B3GALT1: variants seen among roughly 807,000 people sequenced by gnomAD.
B3GALT1 encodes the protein UDP-Gal:betaGlcNAc beta 1,3-galactosyltransferase, polypeptide 1.
B3GALT1 carries 10 observed loss-of-function variants against 23.2 expected under a neutral mutation model. The ratio of observed to expected loss-of-function variants is 0.43; its 90% CI spans 0.27 to 0.73. The LOEUF is 0.73. B3GALT1 is among the 30% of genes least tolerant of loss of function. B3GALT1 has a pLI of 0.21. For missense variants in B3GALT1, 299 were observed against 405.4 expected, an observed-to-expected ratio of 0.74 and a Z score of 2.25; for synonymous variants, 156 against 141.5, an observed-to-expected ratio of 1.10 and a Z score of -0.73.
chr2:167,408,957 T>A (rs1483156198), intron 1 of B3GALT1, among the ~76,000 whole-genome samples: 1 of 152,186 alleles, frequency 6.6e-6, no homozygotes, highest in Non-Finnish European at 1.5e-5. Context: ...CAAAGCAATT[T>A]ACAGATTCAG....
intron 2 of B3GALT1, among the ~76,000 whole-genome samples, chr2:167,538,499 A>G (rs777017682): frequency 1.3e-5 from 2 of 152,194 alleles, no homozygotes; most frequent in Admixed American, 1.3e-4. Context: ...TGTGATTTCA[A>G]TCTCTGTAAG....
At chr2:167,443,238 C>G (rs112556496) in intron 1 of B3GALT1, among the ~76,000 whole-genome samples, 1 of 152,010 alleles carries the variant, frequency 6.6e-6, no homozygotes, top group Non-Finnish European at 1.5e-5. Flanking sequence ...ATCTATATCT[C>G]TGTTTTGGTA....
intron 1 of B3GALT1, among the ~76,000 whole-genome samples, chr2:167,453,495 A>G (rs2105321307): frequency 6.6e-6 from 1 of 152,332 alleles, no homozygotes; most frequent in East Asian, 1.9e-4. Flanking sequence ...GGTTAATGCA[A>G]GAGCTCTAAT....
chr2:167,596,665 G>A (rs1684778971), intron 2 of B3GALT1, among the ~76,000 whole-genome samples: 1 of 150,364 alleles, frequency 6.7e-6, no homozygotes, highest in Admixed American at 6.6e-5. Context: ...TATAAAAATA[G>A]AGGATTTTTT....
chr2:167,506,121 G>A (rs1699913851), intron 2 of B3GALT1, among the ~76,000 whole-genome samples: 1 of 152,064 alleles, frequency 6.6e-6, no homozygotes, highest in Non-Finnish European at 1.5e-5. Context: ...ACTCTATGAT[G>A]TCTTTCCTTA....
At chr2:167,539,864 TTTAA>T (rs1683506823) in intron 2 of B3GALT1, among the ~76,000 whole-genome samples, 1 of 152,102 alleles carries the variant, frequency 6.6e-6, no homozygotes, top group African/African-American at 2.4e-5. Flanking sequence ...CTTGTAAGCT[TTTAA>T]TTATTTTCTG....
intron 3 of B3GALT1, among the ~76,000 whole-genome samples, chr2:167,764,166 C>G (rs1687939137): frequency 6.6e-6 from 1 of 152,192 alleles, no homozygotes; most frequent in African/African-American, 2.4e-5. Context: ...CTACATTAAG[C>G]ATCAAGTGCC....
At chr2:167,386,584 A>G (rs1697932375) in intron 1 of B3GALT1, among the ~76,000 whole-genome samples, 1 of 152,128 alleles carries the variant, frequency 6.6e-6, no homozygotes, top group Non-Finnish European at 1.5e-5. Flanking sequence ...TAATGATGAC[A>G]TACTATACTG....
chr2:167,320,253 G>C (rs1696789232), intron 1 of B3GALT1, among the ~76,000 whole-genome samples: 1 of 149,284 alleles, frequency 6.7e-6, no homozygotes, highest in South Asian at 2.1e-4. Flanking sequence ...GCAGTGACAT[G>C]ATCTTGGCTC....
At position 167,747,772 on chromosome 2, in the gene B3GALT1, A is replaced by G. The variant is rs550240427; in HGVS notation, c.-351-70900A>G. Among the ~76,000 whole-genome samples the G allele has an allele frequency of 1.3e-4, 20 of 152,362 alleles. No homozygotes were observed. In the South Asian group the frequency reaches 3.9e-3, roughly 30 times the overall value. ...AGAATGGGAAGTACCTACAGAAATT[A>G]ACTTGTAGATGATCAAAAGTATGAA... On this transcript the variant is annotated intron_variant, in intron 3 of 4. Coordinates refer to ENST00000392690, the MANE Select transcript of B3GALT1 (RefSeq NM_020981.4).
chr2:167,631,769 C>CTTTT (rs558837779), intron 2 of B3GALT1, among the ~76,000 whole-genome samples: 14 of 120,570 alleles, frequency 1.2e-4, no homozygotes, highest in African/African-American at 4.1e-4. Flanking sequence ...CTTTTCTTTT[C>CTTTT]TTTTTTTTTT....
At chr2:167,509,830 G>T (rs1699976002) in intron 2 of B3GALT1, among the ~76,000 whole-genome samples, 1 of 152,126 alleles carries the variant, frequency 6.6e-6, no homozygotes. Context: ...GAAGCATTTG[G>T]AAGGTTTAGA....
intron 1 of B3GALT1, among the ~76,000 whole-genome samples, chr2:167,406,454 A>G (rs1280864823): frequency 6.6e-6 from 1 of 152,086 alleles, no homozygotes; most frequent in Non-Finnish European, 1.5e-5. Context: ...GCAGATAGTA[A>G]AAGAATCCAG....
At chr2:167,835,543 G>T (rs187939029) in intron 4 of B3GALT1, among the ~76,000 whole-genome samples, 1,643 of 152,338 alleles carry the variant, frequency 0.011, 17 homozygotes, top group Middle Eastern at 0.031. Flanking sequence ...CTCCAACTGG[G>T]TGGAGCCCAC....
At chr2:167,827,023 C>T (rs1297779176) in intron 4 of B3GALT1, among the ~76,000 whole-genome samples, 1 of 152,144 alleles carries the variant, frequency 6.6e-6, no homozygotes, top group Non-Finnish European at 1.5e-5. Context: ...TTCCACTGTA[C>T]TCTACCAAAT....
chr2:167,299,485 A>G (rs1052902952), intron 1 of B3GALT1, among the ~76,000 whole-genome samples: 9 of 152,212 alleles, frequency 5.9e-5, no homozygotes, highest in African/African-American at 1.7e-4. Flanking sequence ...AAATAGTGAT[A>G]GCATCACTGA....
At chr2:167,299,827 T>C (rs1696417313) in intron 1 of B3GALT1, among the ~76,000 whole-genome samples, 1 of 151,334 alleles carries the variant, frequency 6.6e-6, no homozygotes, top group Non-Finnish European at 1.5e-5. Flanking sequence ...TCCATATATA[T>C]GTATTATTTA....
intron 4 of B3GALT1, among the ~76,000 whole-genome samples, chr2:167,824,586 C>A (rs1689176039): frequency 6.6e-6 from 1 of 152,178 alleles, no homozygotes; most frequent in African/African-American, 2.4e-5. Flanking sequence ...ACTCCACCCT[C>A]CAGGGCTCAT....
intron 1 of B3GALT1, among the ~76,000 whole-genome samples, chr2:167,483,268 G>A (rs890232304): frequency 6.6e-6 from 1 of 152,056 alleles, no homozygotes; most frequent in African/African-American, 2.4e-5. Context: ...ACTCCAGCCT[G>A]GGCAACGAGA....
Sources: allele counts gnomAD v4.1 joint callset (sites outside exome capture counted in the v4.1 genomes callset), GRCh38; gene constraint gnomAD v4.1.1; transcripts MANE v1.5; gene names NCBI Gene and HGNC (gene_info 2026-07-23, HGNC 2026-07-21).